The following SLC39A9 variants were observed in gnomAD, a reference collection of about 807,000 sequenced individuals.
SLC39A9 encodes solute carrier family 39 member 9, also known as zinc transporter ZIP9.
A neutral mutation model predicts 28.4 loss-of-function variants in SLC39A9; 14 were observed. The ratio of observed to expected loss-of-function variants is 0.49; its 90% confidence interval spans 0.33 to 0.77. The LOEUF is 0.77. SLC39A9 is among the 30% of genes least tolerant of loss of function. The probability of loss-of-function intolerance (pLI) is 0.02; values close to 1 mark genes in which losing one functional copy is unlikely to be tolerated. For missense variants in SLC39A9, 283 were observed against 381.1 expected, an observed-to-expected ratio of 0.74 and a Z score of 2.14; for synonymous variants, 119 against 149.6, an observed-to-expected ratio of 0.80 and a Z score of 1.49.
chr14:69,416,328 T>C (rs1370315246), intron 1 of SLC39A9, among the ~76,000 whole-genome samples: 1 of 152,206 alleles, frequency 6.6e-6, no homozygotes, highest in Non-Finnish European at 1.5e-5. Flanking sequence ...TGCATAGTAT[T>C]CCATGGTGTA....
Position 69,462,213 on chromosome 14 carries a change from T to G in SLC39A9, c.*3620T>G. 1.3e-5 allele frequency: 2 copies of G among 152,448 alleles called. No individual in the cohort carries two copies. The highest frequency in any genetic ancestry group is 2.4e-5 in the African/African-American group (1 of 41,580). The allele number at this position is 152,448 out of a possible 1,614,324, so 9.4% of individuals were successfully genotyped here. A position where few individuals can be genotyped will look rare whatever the true frequency, so the allele number is the denominator to read the frequency against. On this transcript the variant is annotated 3_prime_UTR_variant, in exon 7 of 7. Transcript: ENST00000336643. ...GAAGTCTCATGGGATAAGACTGCAG[T>G]TCCCCTGGTTCAATAGCTGGAACAG...
At chr14:69,407,254 C>T (rs886341267) in intron 1 of SLC39A9, among the ~76,000 whole-genome samples, 7 of 152,028 alleles carry the variant, frequency 4.6e-5, no homozygotes, top group East Asian at 3.9e-4. Context: ...ATTTATCTGA[C>T]GTTAATTTCC....
chr14:69,413,161 C>G (rs545760320), intron 1 of SLC39A9, among the ~76,000 whole-genome samples: 79 of 152,224 alleles, frequency 5.2e-4, no homozygotes, highest in African/African-American at 1.9e-3. Context: ...TCGAGACCAT[C>G]CTGGCTAACA....
At chr14:69,433,536 T>G (rs564485346) in intron 2 of SLC39A9, among the ~76,000 whole-genome samples, 1 of 152,298 alleles carries the variant, frequency 6.6e-6, no homozygotes, top group African/African-American at 2.4e-5. Flanking sequence ...TTTGTTAGAA[T>G]TTATTAGTGA....
At chr14:69,448,410 A>G (rs1343859512) in intron 3 of SLC39A9, among the ~76,000 whole-genome samples, 1 of 152,182 alleles carries the variant, frequency 6.6e-6, no homozygotes, top group Non-Finnish European at 1.5e-5. Flanking sequence ...ATTCAGAATT[A>G]ACACCACCAG....
intron 3 of SLC39A9, among the ~76,000 whole-genome samples, chr14:69,449,246 G>C (rs986087739): frequency 1.1e-4 from 17 of 152,178 alleles, no homozygotes; most frequent in African/African-American, 3.1e-4. Context: ...GAGAAGCACT[G>C]TTGGGTGGTA....
chr14:69,420,265 T>TTGGCTGGATATTAAATTCTGGGTTGAA (rs1883810276), intron 1 of SLC39A9, among the ~76,000 whole-genome samples: 1 of 152,216 alleles, frequency 6.6e-6, no homozygotes, highest in Non-Finnish European at 1.5e-5. Context: ...TAAGCTTAGT[T>TTGGCTGGATATTAAATTCTGGGTTGAA]TGGCTGGATA....
At chr14:69,427,026 T>C (rs186204916) in intron 2 of SLC39A9, among the ~76,000 whole-genome samples, 17,724 of 141,086 alleles carry the variant, frequency 0.13, 1,225 homozygotes, top group Middle Eastern at 0.25. Context: ...TTTTTTTTTT[T>C]CAGACAGGGA....
In SLC39A9 at chr14:69,458,343, T is replaced by C; in HGVS notation, c.694-20T>C. 6.2e-7 allele frequency: 1 copy of C among 1,609,846 alleles called. No homozygotes were observed. The highest frequency in any genetic ancestry group is 1.1e-5 in the South Asian group (1 of 90,828). The stretch of plus-strand genomic sequence containing the variant: ...TTTTACTTGACTTAGTTTTTCCTCT[T>C]TCTCTCTTCTAATTCACAGAGCAGT... On this transcript the variant is annotated intron_variant, in intron 6 of 6. Coordinates refer to ENST00000336643, the MANE Select transcript of SLC39A9 (RefSeq NM_018375.5).
At chr14:69,437,166 C>A (rs1424826150) in intron 2 of SLC39A9, among the ~76,000 whole-genome samples, 30 of 152,146 alleles carry the variant, frequency 2.0e-4, no homozygotes, top group Non-Finnish European at 1.5e-5. Context: ...CGCGCCCGGC[C>A]TGGGATCCCT....
chr14:69,421,226 T>C (rs1475394130), intron 1 of SLC39A9, among the ~76,000 whole-genome samples: 1 of 152,216 alleles, frequency 6.6e-6, no homozygotes, highest in East Asian at 1.9e-4. Flanking sequence ...TTTCTGTTTG[T>C]TAACAGTTTT....
intron 2 of SLC39A9, among the ~76,000 whole-genome samples, chr14:69,441,030 C>T (rs1286118073): frequency 6.6e-6 from 1 of 152,164 alleles, no homozygotes; most frequent in Admixed American, 6.5e-5. Context: ...TGTAATCCAC[C>T]ACTTTGGGAG....
intron 3 of SLC39A9, among the ~76,000 whole-genome samples, chr14:69,446,940 A>G (rs1055154454): frequency 7.2e-6 from 1 of 139,402 alleles, no homozygotes; most frequent in Non-Finnish European, 1.6e-5. Context: ...ATATATATAT[A>G]TATATATAGA....
chr14:69,439,051 CA>C (rs1413610814), intron 2 of SLC39A9, among the ~76,000 whole-genome samples: 7 of 152,036 alleles, frequency 4.6e-5, no homozygotes, highest in African/African-American at 1.7e-4. Context: ...ATTCCACACA[CA>C]AAAAAATTAG....
At chr14:69,399,765 A>G (rs1414915142) in intron 1 of SLC39A9, among the ~76,000 whole-genome samples, 1 of 152,162 alleles carries the variant, frequency 6.6e-6, no homozygotes, top group Non-Finnish European at 1.5e-5. Flanking sequence ...GCACCATAAC[A>G]TTTCTTTTGA....
chr14:69,453,385 C>T (rs942549787), intron 4 of SLC39A9, 76 bp downstream of exon 4: 23 of 1,385,104 alleles, frequency 1.7e-5, no homozygotes, highest in East Asian at 9.3e-5. Flanking sequence ...TTTCAGGGAC[C>T]GTCCTCATTG....
In SLC39A9 at chr14:69,458,705, T is replaced by C. The variant is rs1001556455; in HGVS notation, c.*112T>C. ...TTGTCTCACCTTGCGCATCTCTACA[T>C]GTATTCCTAGAGTCCAGAGGGGAGG... On this transcript the variant is annotated 3_prime_UTR_variant, in exon 7 of 7. Transcript: ENST00000336643. 3.5e-6 allele frequency: 5 copies of C among 1,439,926 alleles called. No homozygotes were observed. Among genetic ancestry groups the C allele is most frequent in the East Asian group, 2.5e-5 (1 of 39,930 alleles). 89.2% of individuals were successfully genotyped at this position (1,439,926 alleles called of 1,614,324 possible).
intron 4 of SLC39A9, among the ~76,000 whole-genome samples, 168 bp downstream of exon 4, chr14:69,453,477 CAG>C (rs1374987515): frequency 6.6e-6 from 1 of 151,596 alleles, no homozygotes; most frequent in Non-Finnish European, 1.5e-5. Flanking sequence ...TGCTCAGTGT[CAG>C]GGGTTTGCAA....
rs778609303 is a variant in SLC39A9 at position 69,453,316 on chromosome 14, T to C, written c.472+7T>C. 1.7e-5 allele frequency: 28 copies of C among 1,613,308 alleles called. No homozygotes were observed. In the Middle Eastern group the frequency reaches 1.3e-3, roughly 76 times the overall value. ...CTGGTTGTCCATGCTGCAGGTAGGG[T>C]TGGATTGCAGTGGAACTTCTTTGTT... On this transcript the variant is annotated splice_region_variant and intron_variant, in intron 4 of 6. Transcript: ENST00000336643.
Sources: gnomAD v4.1 joint callset for allele counts (sites outside exome capture counted in the v4.1 genomes callset) on GRCh38, gnomAD v4.1.1 for gene constraint, MANE v1.5 for transcripts, NCBI Gene and HGNC (gene_info 2026-07-23, HGNC 2026-07-21) for gene names.